CEP164: variants seen among roughly 807,000 people sequenced by gnomAD.
CEP164 encodes centrosomal protein 164.
CEP164 carries 162 observed loss-of-function variants against 182.7 expected under a neutral mutation model. The ratio of observed to expected loss-of-function variants is 0.89; its 90% confidence interval spans 0.78 to 1.01. The LOEUF (loss-of-function observed/expected upper bound fraction) is 1.01. Ranked by LOEUF, CEP164 falls within the 50% of genes least tolerant of loss-of-function variation. The pLI, the probability that CEP164 is intolerant of heterozygous loss-of-function variation, is 0.00. For synonymous variants in CEP164, 661 were observed against 690.0 expected, an observed-to-expected ratio of 0.96 and a Z score of 0.66; for missense variants, 1,735 against 1,790.4, an observed-to-expected ratio of 0.97 and a Z score of 0.56.
intron 17 of CEP164, among the ~76,000 whole-genome samples, chr11:117,391,612 C>G (rs919885188): frequency 1.2e-4 from 18 of 152,134 alleles, no homozygotes; most frequent in Admixed American, 1.2e-3. Context: ...CGCTCTGTCC[C>G]TCACTGTCTC....
intron 27 of CEP164, among the ~76,000 whole-genome samples, chr11:117,398,675 G>A (rs1344753066): frequency 6.6e-6 from 1 of 152,250 alleles, no homozygotes. Flanking sequence ...GCCAAGGTAT[G>A]GGGCTTGCAT....
upstream of CEP164, among the ~76,000 whole-genome samples, chr11:117,323,003 C>T (rs1429910469): frequency 6.6e-6 from 1 of 151,838 alleles, no homozygotes; most frequent in African/African-American, 2.4e-5. Context: ...TGAGCTCAGG[C>T]AATCTGCCTA....
At chr11:117,402,323 C>T (rs899118630) in intron 27 of CEP164, among the ~76,000 whole-genome samples, 4 of 151,758 alleles carry the variant, frequency 2.6e-5, no homozygotes, top group Admixed American at 6.6e-5. Context: ...CAGATTCAAG[C>T]GATTCTCCTG....
Position 117,407,950 on chromosome 11 carries a change from A to C in CEP164, c.3527A>C (p.Lys1176Thr). 1 of 1,599,160 alleles carries C rather than the reference A, an allele frequency of 6.3e-7. No individual in the cohort carries two copies. The highest frequency in any genetic ancestry group is 8.5e-7 in the Non-Finnish European group (1 of 1,172,850). ...GAGACCAGGCACCTGGATGAGATGA[A>C]GTCGGCCATGCGGAAAGGCCACAAC... Reference protein sequence around the residue: ...EKETRHLDEMKSAMRKGHNLL... With the variant: ...EKETRHLDEMTSAMRKGHNLL... The change falls in exon 28 of 33, where the codon AAG becomes ACG. Residue 1176 changes from lysine (K) to threonine (T), a missense_variant. Physicochemically the swap from Lys to Thr is moderately conservative, Grantham distance 78. Coordinates refer to ENST00000278935, the MANE Select transcript of CEP164 (RefSeq NM_014956.5).
Position 117,369,047 on chromosome 11 carries a change from T to C in CEP164, c.766-2033T>C, listed in dbSNP as rs139238351. Among the ~76,000 whole-genome samples, 24 of 152,350 alleles carry C rather than the reference T, an allele frequency of 1.6e-4. No individual in the cohort carries two copies. The East Asian group carries it at 4.1e-3, about 26-fold the overall frequency. Reference sequence around the variant, plus strand: ...CAGTCAAGGCTCATAACCAAAGCCATTGGGAACATTTCACTTTTCTCAATA... The same window carrying C: ...CAGTCAAGGCTCATAACCAAAGCCACTGGGAACATTTCACTTTTCTCAATA... On this transcript the variant is annotated intron_variant, in intron 8 of 32. Transcript: ENST00000278935.
intron 27 of CEP164, among the ~76,000 whole-genome samples, chr11:117,406,613 CGTACATGAAAGTCTTTTG>C (rs534522092): frequency 9.8e-5 from 15 of 152,314 alleles, no homozygotes; most frequent in Admixed American, 2.6e-4. Flanking sequence ...AGACTTTGTT[CGTACATGAAAGTCTTTTG>C]AACACACTTA....
intron 5 of CEP164, among the ~76,000 whole-genome samples, chr11:117,352,210 C>G (rs1387381130): frequency 6.6e-6 from 1 of 152,088 alleles, no homozygotes; most frequent in Non-Finnish European, 1.5e-5. Flanking sequence ...CCTTTCTCCC[C>G]ACTTGGGAAG....
rs750842640 is a variant in CEP164, at chr11:117,392,598, T to G, written c.2464T>G (p.Ser822Ala). Reference sequence around the variant, plus strand: ...AGTGGAGCACAGAGTTCACCAGAAGTCTTATCACGTGGCTGGGTATGAGCA... The same window carrying G: ...AGTGGAGCACAGAGTTCACCAGAAGGCTTATCACGTGGCTGGGTATGAGCA... ...GQVEHRVHQKSYHVAGYEHEL... is the reference protein window; with the variant it reads ...GQVEHRVHQKAYHVAGYEHEL... The change falls in exon 19 of 33, where the codon TCT (serine) becomes GCT (alanine). Residue 822 changes from serine (S) to alanine (A), a missense_variant. Coordinates refer to ENST00000278935, the MANE Select transcript of CEP164 (RefSeq NM_014956.5). The G allele has an allele frequency of 2.5e-6, 4 of 1,613,948 alleles. No individual in the cohort carries two copies. The highest frequency in any genetic ancestry group is 2.7e-5 in the African/African-American group (2 of 74,906).
At chr11:117,339,873 G>A (rs2037831672) in intron 3 of CEP164, among the ~76,000 whole-genome samples, 1 of 151,932 alleles carries the variant, frequency 6.6e-6, no homozygotes, top group South Asian at 2.1e-4. Context: ...CATGAGTTAG[G>A]TACTATTATT....
At chr11:117,348,117 A>G (rs967099274) in intron 4 of CEP164, among the ~76,000 whole-genome samples, 1 of 151,864 alleles carries the variant, frequency 6.6e-6, no homozygotes, top group African/African-American at 2.4e-5. Context: ...CTACAGGTGT[A>G]TGTCACCATG....
chr11:117,351,936 A>G lies in CEP164; in HGVS notation c.341A>G (p.Lys114Arg). The change falls in exon 5 of 33, where the codon AAA becomes AGA. Residue 114 changes from lysine to arginine, a missense_variant. Transcript: ENST00000278935. Reference sequence around the variant, plus strand: ...TCTGGGGCCATTAAGAAGAAGAAAAAAAAAAAGGAAAAGAAAGACAAGAAG... The same window carrying G: ...TCTGGGGCCATTAAGAAGAAGAAAAGAAAAAAGGAAAAGAAAGACAAGAAG... ...STSGAIKKKK[K>R]KKEKKDKKDR... is the part of the protein sequence containing the mutation. The G allele has an allele frequency of 6.2e-7, 1 of 1,612,964 alleles. No individual in the cohort carries two copies. Among genetic ancestry groups the G allele is most frequent in the Non-Finnish European group, 8.5e-7 (1 of 1,179,564 alleles).
rs1209840495 is a variant in CEP164, at chr11:117,338,571, T to G, written c.-16T>G. On this transcript the variant is annotated 5_prime_UTR_variant, in exon 3 of 33. Coordinates refer to ENST00000278935, the MANE Select transcript of CEP164 (RefSeq NM_014956.5). ...TGGGGGCCTCTGGGATCTAGGTGTT[T>G]GAGCCCAGATGAGTCATGGCTGGAC... The G allele has an allele frequency of 1.9e-6, 3 of 1,610,904 alleles. No homozygotes were observed. Among genetic ancestry groups the G allele is most frequent in the Non-Finnish European group, 2.5e-6 (3 of 1,177,060 alleles).
chr11:117,354,361 A>C (rs1161193273), intron 5 of CEP164, among the ~76,000 whole-genome samples: 2 of 152,190 alleles, frequency 1.3e-5, no homozygotes, highest in South Asian at 2.1e-4. Context: ...ACAGAATCTG[A>C]GAGCTGGATA....
At position 117,363,438 on chromosome 11, in the gene CEP164, A is replaced by G; in HGVS notation, c.697A>G (p.Ser233Gly). The G allele has an allele frequency of 1.2e-6, 2 of 1,613,706 alleles. No individual in the cohort carries two copies. The highest frequency in any genetic ancestry group is 1.7e-6 in the Non-Finnish European group (2 of 1,179,608). ...EEESDNQSVH[S>G]SSEPLRNLHL... ...TCATTTTTGTTTCTAGAGTGTCCAC[A>G]GCTCAAGTGAGCCTCTTAGGAACCT... Residue 233 changes from serine to glycine, a missense_variant, in exon 8 of 33, where the codon AGC becomes GGC. Physicochemically the swap from Ser to Gly is moderately conservative, Grantham distance 56. Transcript: ENST00000278935.
chr11:117,327,556 C>G (rs1302690927), upstream of CEP164, among the ~76,000 whole-genome samples: 1 of 151,598 alleles, frequency 6.6e-6, no homozygotes, highest in Non-Finnish European at 1.5e-5. Flanking sequence ...CCCGCCTCGG[C>G]CTCCCAAATT....
intron 5 of CEP164, among the ~76,000 whole-genome samples, chr11:117,352,278 C>CAGT (rs1388371714): frequency 6.6e-6 from 1 of 152,040 alleles, no homozygotes; most frequent in Non-Finnish European, 1.5e-5. Context: ...TGGTTTTTTG[C>CAGT]AGTAGTAGTA....
chr11:117,408,011 G>T lies in CEP164; in HGVS notation c.3588G>T (p.Leu1196Phe). ...LKKKEEKLNQLESSLWEEASD... is the reference protein window; with the variant it reads ...LKKKEEKLNQFESSLWEEASD... ...AGAAAGAGGAGAAGCTGAATCAGTTGGAGTCCTCTCTTTGGGAAGAGGTGC... is the reference window on the plus strand; with the variant it reads ...AGAAAGAGGAGAAGCTGAATCAGTTTGAGTCCTCTCTTTGGGAAGAGGTGC... Residue 1196 changes from leucine (L) to phenylalanine (F), a missense_variant, in exon 28 of 33, where the codon TTG (leucine) becomes TTT (phenylalanine). Coordinates refer to ENST00000278935, the MANE Select transcript of CEP164 (RefSeq NM_014956.5). The T allele has an allele frequency of 6.3e-7, 1 of 1,594,428 alleles. No individual in the cohort carries two copies. Among genetic ancestry groups the T allele is most frequent in the Non-Finnish European group, 8.5e-7 (1 of 1,170,212 alleles).
At chr11:117,329,414 T>G (rs2035842544) in intron 1 of CEP164, among the ~76,000 whole-genome samples, 1 of 152,194 alleles carries the variant, frequency 6.6e-6, no homozygotes, top group South Asian at 2.1e-4. Flanking sequence ...GTCTTGCCAC[T>G]CCTCCCACTG....
At chr11:117,385,589 A>G (rs936984898) in intron 14 of CEP164, 1 of 152,226 alleles carries the variant, frequency 6.6e-6, no homozygotes. Flanking sequence ...AAAAGGTACC[A>G]TCTCAGGGAA....
Sources: allele counts gnomAD v4.1 joint callset (sites outside exome capture counted in the v4.1 genomes callset), GRCh38; gene constraint gnomAD v4.1.1; transcripts MANE v1.5; gene names NCBI Gene and HGNC (gene_info 2026-07-23, HGNC 2026-07-21).